The following LEPR variants were observed in gnomAD, a reference collection of about 807,000 sequenced individuals.
LEPR encodes OB receptor.
In LEPR, 56 loss-of-function variants were observed where a neutral mutation model predicts 114.7. The ratio of observed to expected loss-of-function variants is 0.49; its 90% CI spans 0.39 to 0.61. The LOEUF is 0.61. LEPR is among the 20% of genes least tolerant of loss of function. LEPR has a pLI of 0.00. For synonymous variants in LEPR, 443 were observed against 461.4 expected (o/e 0.96, Z 0.51); for missense variants, 1,202 against 1,352.9 (o/e 0.89, Z 1.75).
chr1:65,464,007 A>G (rs1646978906), intron 2 of LEPR, among the ~76,000 whole-genome samples: 1 of 152,064 alleles, frequency 6.6e-6, no homozygotes, highest in Admixed American at 6.6e-5. Context: ...CTAATTCAAT[A>G]CCTTTTATTT....
chr1:65,460,948 C>A (rs371535938), intron 2 of LEPR, among the ~76,000 whole-genome samples: 5 of 151,316 alleles, frequency 3.3e-5, no homozygotes, highest in Non-Finnish European at 5.9e-5. Flanking sequence ...AAGACAGGAA[C>A]CTAGATCCCA....
chr1:65,426,137 G>T (rs1346032524), intron 2 of LEPR, among the ~76,000 whole-genome samples: 1 of 133,938 alleles, frequency 7.5e-6, no homozygotes, highest in African/African-American at 3.9e-5. Flanking sequence ...GAGGTAAAAA[G>T]TGAGAAGAAA....
chr1:65,565,275 G>A (rs752090739), intron 2 of LEPR, among the ~76,000 whole-genome samples: 1 of 152,124 alleles, frequency 6.6e-6, no homozygotes, highest in Non-Finnish European at 1.5e-5. Context: ...GTCTTATCCC[G>A]TGATACCTGT....
chr1:65,574,470 T>C (rs1350080960), intron 5 of LEPR, among the ~76,000 whole-genome samples: 1 of 152,178 alleles, frequency 6.6e-6, no homozygotes, highest in African/African-American at 2.4e-5. Flanking sequence ...AGCTCATTAA[T>C]ATATGTTTTG....
At chr1:65,628,710 T>A (rs141747210) in intron 19 of LEPR, among the ~76,000 whole-genome samples, 27 of 152,216 alleles carry the variant, frequency 1.8e-4, no homozygotes, top group African/African-American at 6.0e-4. Context: ...ATGTTTAAGG[T>A]GTTTGAACAC....
chr1:65,565,468 TTA>T (rs1346213947), intron 2 of LEPR, 76 bp from the exon 3 acceptor site: 6 of 1,406,778 alleles, frequency 4.3e-6, no homozygotes, highest in Admixed American at 3.7e-5. Context: ...CCCTTTCCTT[TTA>T]TGTTTTCCAC....
At chr1:65,588,014 C>T (rs1382815038) in intron 5 of LEPR, among the ~76,000 whole-genome samples, 1 of 152,010 alleles carries the variant, frequency 6.6e-6, no homozygotes, top group East Asian at 1.9e-4. Context: ...ATCTCCCTAT[C>T]CCCAGGTTCT....
intron 2 of LEPR, chr1:65,430,180 C>A: frequency 1.3e-6 from 1 of 761,358 alleles, no homozygotes; most frequent in Non-Finnish European, 1.9e-6. Flanking sequence ...TTTCTCTGTT[C>A]CTCTACTTTA....
chr1:65,472,492 C>T (rs1448516064), intron 2 of LEPR, among the ~76,000 whole-genome samples: 1 of 142,808 alleles, frequency 7.0e-6, no homozygotes, highest in Non-Finnish European at 1.5e-5. Context: ...TACTTATAGC[C>T]ATAGGTAAAT....
intron 2 of LEPR, among the ~76,000 whole-genome samples, chr1:65,451,681 C>G (rs551912702): frequency 6.6e-6 from 1 of 152,252 alleles, no homozygotes; most frequent in South Asian, 2.1e-4. Context: ...GTTACTGTAG[C>G]CTTGTAGTAT....
intron 2 of LEPR, among the ~76,000 whole-genome samples, chr1:65,449,784 T>C (rs1170390587): frequency 6.6e-6 from 1 of 152,048 alleles, no homozygotes; most frequent in Non-Finnish European, 1.5e-5. Context: ...TTATTATTTC[T>C]TATTCTTTCT....
chr1:65,612,983 A>G (rs965990781), intron 14 of LEPR, among the ~76,000 whole-genome samples: 1 of 152,084 alleles, frequency 6.6e-6, no homozygotes, highest in Non-Finnish European at 1.5e-5. Flanking sequence ...TCTCCATTTT[A>G]GTTTTAAAAA....
chr1:65,459,339 G>T (rs1009895521), intron 2 of LEPR, among the ~76,000 whole-genome samples: 1 of 152,116 alleles, frequency 6.6e-6, no homozygotes, highest in Admixed American at 6.6e-5. Context: ...GGAAAGACTA[G>T]CTGGGAAGTG....
chr1:65,633,061 G>A lies in LEPR; in HGVS notation c.2674-3130G>A. On this transcript the variant is annotated intron_variant, in intron 19 of 19. Coordinates refer to ENST00000349533, the MANE Select transcript of LEPR (RefSeq NM_002303.6). The surrounding 1 kb of genome is among the most constrained non-coding windows in gnomAD (Gnocchi z 4.1). ...CAAAAATTTATAGTCCAGAACCCAT[G>A]CTTGACAATGTTTTTTGAAATCTTT... is the stretch of plus-strand genomic sequence containing the variant. The A allele has an allele frequency of 9.6e-7, 1 of 1,042,594 alleles. No individual in the cohort carries two copies. Among genetic ancestry groups the A allele is most frequent in the Non-Finnish European group, 1.4e-6 (1 of 691,852 alleles). 64.6% of individuals were successfully genotyped at this position (1,042,594 alleles called of 1,614,324 possible).
intron 4 of LEPR, 36 bp from the exon 5 acceptor site, chr1:65,572,290 G>GTTTTTTTTTTTTTTTTTTTTT (rs747467075): frequency 2.5e-6 from 2 of 799,884 alleles, no homozygotes; most frequent in African/African-American, 3.0e-5. Flanking sequence ...TCATGTAGTT[G>GTTTTTTTTTTTTTTTTTTTTT]TTTTTTTTTT....
intron 2 of LEPR, chr1:65,433,622 A>G (rs1449950572): frequency 1.0e-6 from 1 of 985,194 alleles, no homozygotes. Flanking sequence ...GTGCAACGTT[A>G]TTTTTTGGCC....
intron 2 of LEPR, among the ~76,000 whole-genome samples, chr1:65,530,184 AG>A (rs1256591203): frequency 1.3e-5 from 2 of 152,170 alleles, no homozygotes; most frequent in Non-Finnish European, 2.9e-5. Flanking sequence ...CAAGTTAGTT[AG>A]GCCCCAAACC....
chr1:65,578,881 T>C (rs1654785248), intron 5 of LEPR, among the ~76,000 whole-genome samples: 1 of 152,174 alleles, frequency 6.6e-6, no homozygotes, highest in South Asian at 2.1e-4. Flanking sequence ...CTGTAGTTAA[T>C]ATTTATTACT....
chr1:65,621,573 A>G, intron 18 of LEPR, 115 bp downstream of exon 18: 1 of 842,278 alleles, frequency 1.2e-6, no homozygotes, highest in Non-Finnish European at 1.9e-6. Flanking sequence ...TTTTATATGT[A>G]GTCTGTATAC....
Sources: gnomAD v4.1 joint callset for allele counts (sites outside exome capture counted in the v4.1 genomes callset) on GRCh38, gnomAD v4.1.1 for gene constraint, Gnocchi (gnomAD v3.1) non-coding constraint, MANE v1.5 for transcripts, NCBI Gene and HGNC (gene_info 2026-07-23, HGNC 2026-07-21) for gene names.